Variants in CATSPERD observed in about 807,000 individuals in gnomAD.
CATSPERD encodes cation channel sperm-associated auxiliary subunit delta.
In CATSPERD, 86 loss-of-function variants were observed where a neutral mutation model predicts 98.1. That is an observed-to-expected ratio of 0.88 (90% CI 0.74 to 1.05). The LOEUF is 1.05. Ranked by LOEUF, CATSPERD falls within the 50% of genes least tolerant of loss-of-function variation. The pLI is 0.00. For missense variants in CATSPERD, 995 were observed against 1,005.7 expected (o/e 0.99, Z 0.14); for synonymous variants, 394 against 390.2 (o/e 1.01, Z -0.12).
chr19:5,767,385 T>C (rs2056560376), intron 17 of CATSPERD, among the ~76,000 whole-genome samples: 1 of 148,254 alleles, frequency 6.7e-6, no homozygotes, highest in South Asian at 2.1e-4. Context: ...TTTCCTGCCA[T>C]GCCCCTCCCA....
chr19:5,738,775 C>T lies in CATSPERD; in HGVS notation c.460-551C>T, dbSNP rs148373753. ...ATTTTTAGTACAGGTGGGGTTTCAC[C>T]ATGTTGGCCAGACTGGTCTCAAACT... On this transcript the variant is annotated intron_variant, in intron 6 of 21. Transcript: ENST00000381624. Among the ~76,000 whole-genome samples, 866 of 152,230 alleles carry T rather than the reference C, an allele frequency of 5.7e-3. 7 individuals are homozygous for T. The highest frequency in any genetic ancestry group is 0.02 in the African/African-American group (821 of 41,532).
Sources: allele counts gnomAD v4.1 joint callset (sites outside exome capture counted in the v4.1 genomes callset), GRCh38; gene constraint gnomAD v4.1.1; transcripts MANE v1.5; gene names NCBI Gene and HGNC (gene_info 2026-07-23, HGNC 2026-07-21).